The following CSMD2 variants were observed in gnomAD, a reference collection of about 807,000 sequenced individuals.
The protein encoded by CSMD2 is CUB and sushi domain-containing protein 2.
In CSMD2, 130 loss-of-function variants were observed where a neutral mutation model predicts 398.5. The ratio of observed to expected loss-of-function variants is 0.33; its 90% CI spans 0.28 to 0.38. CSMD2 has a LOEUF of 0.38. Among genes scored for constraint, CSMD2 ranks in the 10% least tolerant of loss-of-function variants. CSMD2 has a pLI of 1.00. For synonymous variants in CSMD2, 1,828 were observed against 1,908.5 expected (o/e 0.96, Z 1.10); for missense variants, 3,829 against 4,764.9 (o/e 0.80, Z 5.78).
chr1:33,958,830 C>T (rs868429727), intron 3 of CSMD2, among the ~76,000 whole-genome samples: 1 of 152,078 alleles, frequency 6.6e-6, no homozygotes, highest in Admixed American at 6.5e-5. Flanking sequence ...GGAAACTGTG[C>T]GGTAGTAAAT....
chr1:33,862,578 C>G (rs1424588370), intron 5 of CSMD2: 2 of 152,172 alleles, frequency 1.3e-5, no homozygotes, highest in Non-Finnish European at 2.9e-5. Flanking sequence ...AAAAGGCTAC[C>G]TAGGCTGAGA....
intron 2 of CSMD2, among the ~76,000 whole-genome samples, chr1:34,069,028 A>G (rs1655425619): frequency 6.6e-6 from 1 of 152,200 alleles, no homozygotes; most frequent in Non-Finnish European, 1.5e-5. Context: ...ATGGACTAAT[A>G]AAGATGGTTT....
At chr1:33,941,721 C>T (rs759312602) in intron 3 of CSMD2, among the ~76,000 whole-genome samples, 1 of 152,142 alleles carries the variant, frequency 6.6e-6, no homozygotes, top group Non-Finnish European at 1.5e-5. Context: ...AGCATACTTA[C>T]TCTGTGCTAT....
At chr1:34,165,789 CG>C (rs1557465436), upstream of CSMD2, 1 of 1,613,566 alleles carries the variant, frequency 6.2e-7, no homozygotes, top group Non-Finnish European at 8.5e-7. Flanking sequence ...CATCTAGGGC[CG>C]GGGGCGATGC....
intron 4 of CSMD2, among the ~76,000 whole-genome samples, chr1:33,918,951 C>T (rs534918528): frequency 6.6e-6 from 1 of 152,288 alleles, no homozygotes; most frequent in African/African-American, 2.4e-5. Flanking sequence ...ATGCTAGATT[C>T]TCCTTTTTCC....
chr1:33,801,096 A>T (rs1557915984), intron 10 of CSMD2, among the ~76,000 whole-genome samples: 2 of 152,190 alleles, frequency 1.3e-5, no homozygotes, highest in Admixed American at 1.3e-4. Context: ...GATAATCCCC[A>T]AGGAGTGAAT....
At chr1:34,127,176 G>A (rs1361872495) in intron 1 of CSMD2, among the ~76,000 whole-genome samples, 1 of 152,140 alleles carries the variant, frequency 6.6e-6, no homozygotes, top group East Asian at 1.9e-4. Context: ...CAAAGGCTCC[G>A]TCAGCGGCAT....
chr1:34,032,881 A>G (rs1033217887), intron 2 of CSMD2, among the ~76,000 whole-genome samples, 175 bp from the exon 3 acceptor site: 7 of 152,184 alleles, frequency 4.6e-5, no homozygotes, highest in Non-Finnish European at 7.3e-5. Context: ...TCTGCCCCAG[A>G]AACATGAGGA....
intron 25 of CSMD2, among the ~76,000 whole-genome samples, chr1:33,669,163 A>G (rs1164106809): frequency 6.6e-6 from 1 of 152,180 alleles, no homozygotes; most frequent in African/African-American, 2.4e-5. Flanking sequence ...TATTCAAACC[A>G]TGTCTGTCTG....
intron 10 of CSMD2, among the ~76,000 whole-genome samples, chr1:33,794,978 G>A (rs1237135035): frequency 3.9e-5 from 6 of 152,056 alleles, no homozygotes; most frequent in Non-Finnish European, 8.8e-5. Context: ...ATGTGGACCT[G>A]TAGCAAGGTC....
At position 33,743,300 on chromosome 1, in the gene CSMD2, C is replaced by A; in HGVS notation, c.2153G>T (p.Gly718Val). The change falls in exon 14 of 71, where the codon GGC (glycine) becomes GTC (valine). Residue 718 changes from glycine (G) to valine (V), a missense_variant. Coordinates refer to ENST00000373381, the MANE Select transcript of CSMD2 (RefSeq NM_001281956.2). ...CTCACTGGTAAAAGTGATGTTGAAG[C>A]CCCTCTTCCCTGTGGAGTGGTCAGT... ...FQTDHSTGKR[G>V]FNITFTTFRH... 1 of 1,606,536 alleles carries A rather than the reference C, an allele frequency of 6.2e-7. No homozygotes were observed. Among genetic ancestry groups the A allele is most frequent in the Non-Finnish European group, 8.5e-7 (1 of 1,175,022 alleles).
chr1:33,927,534 G>A (rs1644168409), intron 4 of CSMD2, among the ~76,000 whole-genome samples: 1 of 152,154 alleles, frequency 6.6e-6, no homozygotes, highest in Non-Finnish European at 1.5e-5. Flanking sequence ...TACAGATGAG[G>A]AAACAGAGGC....
chr1:33,928,914 T>C (rs1255811247), intron 4 of CSMD2, among the ~76,000 whole-genome samples: 1 of 152,168 alleles, frequency 6.6e-6, no homozygotes, highest in Non-Finnish European at 1.5e-5. Context: ...TGTTGCCCTC[T>C]TATGCCTTTC....
chr1:33,967,323 G>C (rs2125411149), intron 3 of CSMD2, among the ~76,000 whole-genome samples: 1 of 152,074 alleles, frequency 6.6e-6, no homozygotes, highest in South Asian at 2.1e-4. Flanking sequence ...GGAATGTCAG[G>C]TTCTCAGGAT....
Position 33,812,403 on chromosome 1 carries a change from T to A in CSMD2, c.1325-1539A>T, listed in dbSNP as rs535131837. ...ACTGGAAGGATCTCCTCCTCCCTCATCCTGAGCTCAAGAATCTGTTCAATC... is the reference window on the plus strand; with the variant it reads ...ACTGGAAGGATCTCCTCCTCCCTCAACCTGAGCTCAAGAATCTGTTCAATC... On this transcript the variant is annotated intron_variant, in intron 9 of 70. Transcript: ENST00000373381. 4.6e-5 allele frequency among the ~76,000 whole-genome samples: 7 copies of A among 152,364 alleles called. 2 individuals carry two copies. Among genetic ancestry groups the A allele is most frequent in the African/African-American group, 1.7e-4 (7 of 41,588 alleles).
rs182686417 is a variant in CSMD2, at chr1:33,777,150, T to C, written c.1664-4399A>G. ...CGAGCCCCTCTCAAGGTGAAGTTCA[T>C]TGGGTGTGGGGAAGTGAGCTGCTAG... On this transcript the variant is annotated intron_variant, in intron 12 of 70. Coordinates refer to ENST00000373381, the MANE Select transcript of CSMD2 (RefSeq NM_001281956.2). Among the ~76,000 whole-genome samples, 29 of 152,176 alleles carry C rather than the reference T, an allele frequency of 1.9e-4. No individual in the cohort carries two copies. In the East Asian group the frequency reaches 4.6e-3, roughly 24 times the overall value.
At chr1:34,078,489 C>G (rs748661446) in intron 2 of CSMD2, among the ~76,000 whole-genome samples, 1 of 152,204 alleles carries the variant, frequency 6.6e-6, no homozygotes, top group South Asian at 2.1e-4. Flanking sequence ...AACAGAAGGG[C>G]AGGAAAGGAC....
In CSMD2 at chr1:33,658,100, C is replaced by T. The variant is rs117484104; in HGVS notation, c.4293G>A (p.Pro1431=). The part of the protein sequence containing the change: ...TATSCNDPGI[P]QNGSRSGDSW... The stretch of plus-strand genomic sequence containing the variant: ...TGTCACCACTCCGACTCCCATTCTG[C>T]GGGATCCCAGGGTCATTGCAGGACG... The change falls in exon 27 of 71, where the codon CCG becomes CCA. Residue 1431 remains proline (P), a synonymous_variant. Transcript: ENST00000373381. 9.2e-5 allele frequency: 148 copies of T among 1,614,140 alleles called. No homozygotes were observed. In the East Asian group the frequency reaches 9.8e-4, roughly 11 times the overall value.
intron 4 of CSMD2, among the ~76,000 whole-genome samples, chr1:33,919,168 G>A (rs559684306): frequency 6.6e-6 from 1 of 152,302 alleles, no homozygotes; most frequent in South Asian, 2.1e-4. Context: ...TTATTTGAGA[G>A]ATATTTAGGA....
Sources: allele counts gnomAD v4.1 joint callset (sites outside exome capture counted in the v4.1 genomes callset), GRCh38; gene constraint gnomAD v4.1.1; transcripts MANE v1.5; gene names NCBI Gene and HGNC (gene_info 2026-07-23, HGNC 2026-07-21).